Variants in ACCSL observed in about 807,000 individuals in gnomAD.
ACCSL encodes 1-aminocyclopropane-1-carboxylate synthase homolog (inactive) like, also known as probable inactive 1-aminocyclopropane-1-carboxylate synthase-like protein 2.
A neutral mutation model predicts 61.7 loss-of-function variants in ACCSL; 55 were observed. The ratio of observed to expected loss-of-function variants is 0.89; its 90% confidence interval spans 0.72 to 1.12. The LOEUF (loss-of-function observed/expected upper bound fraction) is 1.12, where lower values mean the gene tolerates loss of function less well. Ranked by LOEUF, ACCSL falls within the 50% of genes most tolerant of loss-of-function variation. The pLI is 0.00. For synonymous variants in ACCSL, 258 were observed against 264.3 expected (o/e 0.98, Z 0.23); for missense variants, 632 against 698.0 (o/e 0.91, Z 1.07).
At chr11:44,027,344 C>G in the ACCSL span, among the ~76,000 whole-genome samples, 1 of 152,144 alleles carries the variant, frequency 6.6e-6, no homozygotes, top group Non-Finnish European at 1.5e-5. Flanking sequence ...CTTCTAGATT[C>G]CCAGAAATAA....
chr11:44,048,367 G>T lies in ACCSL; in HGVS notation c.331G>T (p.Ala111Ser). Residue 111 changes from alanine to serine, a missense_variant, in exon 1 of 14, where the codon GCC becomes TCC. Transcript: ENST00000378832. Reference sequence around the variant, plus strand: ...GGGTGATGTCAGATATGGGCAGAGGGCCCAACTCTCTGGGCAGCCTGATCC... The same window carrying T: ...GGGTGATGTCAGATATGGGCAGAGGTCCCAACTCTCTGGGCAGCCTGATCC... ...SRGDVRYGQR[A>S]QLSGQPDPVP... 6.2e-7 allele frequency: 1 copy of T among 1,614,118 alleles called. No individual in the cohort carries two copies. The highest frequency in any genetic ancestry group is 2.2e-5 in the East Asian group (1 of 44,874).
chr11:44,051,989 C>T (rs1952642645), intron 5 of ACCSL, among the ~76,000 whole-genome samples: 1 of 152,218 alleles, frequency 6.6e-6, no homozygotes, highest in Non-Finnish European at 1.5e-5. Flanking sequence ...ATGTTCATGG[C>T]TGGGCTTTTG....
chr11:44,052,446 C>T (rs962416793), intron 5 of ACCSL, among the ~76,000 whole-genome samples: 3 of 152,192 alleles, frequency 2.0e-5, no homozygotes, highest in Admixed American at 6.5e-5. Flanking sequence ...CTCTAGTGTA[C>T]CCGCAAAGAA....
chr11:44,036,438 G>C, the ACCSL span, among the ~76,000 whole-genome samples: 5 of 152,328 alleles, frequency 3.3e-5, no homozygotes, highest in African/African-American at 9.6e-5. Flanking sequence ...GTTCCTCATT[G>C]AATTGTTGGG....
the ACCSL span, among the ~76,000 whole-genome samples, chr11:43,962,955 GT>G: frequency 2.0e-5 from 3 of 152,186 alleles, no homozygotes; most frequent in Non-Finnish European, 4.4e-5. Context: ...GCCTGCTCCG[GT>G]TTTGCCCAGG....
At chr11:44,039,941 C>T in the ACCSL span, among the ~76,000 whole-genome samples, 2 of 152,226 alleles carry the variant, frequency 1.3e-5, no homozygotes, top group Non-Finnish European at 2.9e-5. Context: ...CATATCTGCT[C>T]CCGTCTAGTC....
the ACCSL span, among the ~76,000 whole-genome samples, chr11:43,931,344 A>G: frequency 2.0e-5 from 3 of 152,216 alleles, no homozygotes; most frequent in Admixed American, 6.5e-5. Flanking sequence ...ACTCTACTGC[A>G]TCAGTCTATT....
the ACCSL span, among the ~76,000 whole-genome samples, chr11:44,022,960 T>C: frequency 6.6e-6 from 1 of 152,144 alleles, no homozygotes; most frequent in African/African-American, 2.4e-5. Flanking sequence ...CCTATGCTTT[T>C]CTTTATGGGA....
the ACCSL span, among the ~76,000 whole-genome samples, chr11:43,980,018 G>A: frequency 6.6e-6 from 1 of 152,052 alleles, no homozygotes; most frequent in Non-Finnish European, 1.5e-5. Flanking sequence ...AAATTTACAA[G>A]GATATATAAA....
the ACCSL span, among the ~76,000 whole-genome samples, chr11:44,028,930 A>G: frequency 3.3e-5 from 5 of 152,182 alleles, no homozygotes; most frequent in Non-Finnish European, 5.9e-5. Context: ...GTCCTTTAGA[A>G]CAGGTGTGTT....
the ACCSL span, among the ~76,000 whole-genome samples, chr11:43,973,429 TC>T: frequency 6.6e-6 from 1 of 151,048 alleles, no homozygotes; most frequent in South Asian, 2.1e-4. Flanking sequence ...TATCTATCTA[TC>T]TATCTATCTA....
chr11:43,953,843 C>CTGCCTA, the ACCSL span, among the ~76,000 whole-genome samples: 1 of 152,218 alleles, frequency 6.6e-6, no homozygotes, highest in African/African-American at 2.4e-5. Flanking sequence ...ATAGGTCGCT[C>CTGCCTA]TGCCTATGGT....
At chr11:44,057,687 CT>C (rs1224548400) in intron 11 of ACCSL, among the ~76,000 whole-genome samples, 8 of 149,032 alleles carry the variant, frequency 5.4e-5, no homozygotes, top group Non-Finnish European at 1.1e-4. Flanking sequence ...CTGCGAGTCC[CT>C]GCTGCTTGCC....
the ACCSL span, among the ~76,000 whole-genome samples, chr11:43,946,806 C>T: frequency 6.6e-6 from 1 of 152,080 alleles, no homozygotes; most frequent in Non-Finnish European, 1.5e-5. Context: ...TGATAGAAGC[C>T]GTGTCCCAGA....
chr11:44,000,529 A>AAT, the ACCSL span, among the ~76,000 whole-genome samples: 1,061 of 148,622 alleles, frequency 7.1e-3, 25 homozygotes, highest in East Asian at 0.028. Flanking sequence ...CTGTCTCAAA[A>AAT]AAAAAAAAAG....
the ACCSL span, among the ~76,000 whole-genome samples, chr11:44,002,433 G>T: frequency 1.3e-5 from 2 of 152,192 alleles, no homozygotes; most frequent in Non-Finnish European, 1.5e-5. Context: ...GAAAGGTTAC[G>T]CTGGGAAATT....
the ACCSL span, among the ~76,000 whole-genome samples, chr11:44,007,946 C>T: frequency 6.6e-6 from 1 of 152,088 alleles, no homozygotes; most frequent in East Asian, 1.9e-4. Flanking sequence ...GCAGCTCTCC[C>T]TCAAGGTGGC....
chr11:44,051,095 CCTCCCAAAGTGCTGGGATT>C (rs1185461864), intron 3 of ACCSL, among the ~76,000 whole-genome samples: 1 of 152,204 alleles, frequency 6.6e-6, no homozygotes, highest in African/African-American at 2.4e-5. Flanking sequence ...CCCGCCTTGG[CCTCCCAAAGTGCTGGGATT>C]ACAGGCATGA....
At chr11:43,958,237 A>G in the ACCSL span, among the ~76,000 whole-genome samples, 1 of 152,218 alleles carries the variant, frequency 6.6e-6, no homozygotes, top group South Asian at 2.1e-4. Flanking sequence ...TGAAGGTAAC[A>G]TCACTATTGT....
Sources: allele counts gnomAD v4.1 joint callset (sites outside exome capture counted in the v4.1 genomes callset), GRCh38; gene constraint gnomAD v4.1.1; transcripts MANE v1.5; gene names NCBI Gene and HGNC (gene_info 2026-07-23, HGNC 2026-07-21).